CPNE4: variants seen among roughly 807,000 people sequenced by gnomAD.
The protein encoded by CPNE4 is copine-4.
In CPNE4, 25 loss-of-function variants were observed where a neutral mutation model predicts 67.9. That is an observed-to-expected ratio of 0.37 (90% CI 0.27 to 0.51). The LOEUF (loss-of-function observed/expected upper bound fraction) is 0.51. CPNE4 is among the 20% of genes least tolerant of loss of function. The probability of loss-of-function intolerance (pLI) is 0.93; values close to 1 mark genes in which losing one functional copy is unlikely to be tolerated. For synonymous variants in CPNE4, 242 were observed against 244.9 expected (o/e 0.99, Z 0.11); for missense variants, 464 against 690.8 (o/e 0.67, Z 3.68).
intron 3 of CPNE4, among the ~76,000 whole-genome samples, chr3:131,703,526 C>T (rs1016281163): frequency 3.9e-5 from 6 of 152,142 alleles, no homozygotes; most frequent in African/African-American, 1.4e-4. Context: ...TGGACAATGG[C>T]TTCTAACAGC....
intron 7 of CPNE4, among the ~76,000 whole-genome samples, chr3:131,623,068 A>G (rs1400903917): frequency 5.3e-5 from 8 of 152,124 alleles, no homozygotes; most frequent in African/African-American, 1.9e-4. Context: ...AGGACAGAGG[A>G]GGGGCCAGGT....
chr3:131,999,966 T>C (rs766043838), intron 1 of CPNE4, among the ~76,000 whole-genome samples: 1 of 151,978 alleles, frequency 6.6e-6, no homozygotes, highest in Non-Finnish European at 1.5e-5. Flanking sequence ...ATAAATCCTG[T>C]AGTCATTTAA....
intron 2 of CPNE4, among the ~76,000 whole-genome samples, chr3:131,776,393 CT>C (rs2083291566): frequency 6.6e-6 from 1 of 152,088 alleles, no homozygotes; most frequent in Non-Finnish European, 1.5e-5. Context: ...ATTCCTTTCA[CT>C]GTCTGAGGAA....
intron 2 of CPNE4, among the ~76,000 whole-genome samples, chr3:131,819,499 C>T (rs373954408): frequency 0.032 from 4,760 of 150,464 alleles, 243 homozygotes; most frequent in African/African-American, 0.11. Context: ...GATACACACA[C>T]ACACACACAC....
At chr3:131,701,867 T>G (rs1399024281) in intron 3 of CPNE4, among the ~76,000 whole-genome samples, 2 of 152,202 alleles carry the variant, frequency 1.3e-5, no homozygotes, top group African/African-American at 4.8e-5. Flanking sequence ...TTTTTTAAGC[T>G]TTTGAAGTAC....
chr3:131,861,652 C>T (rs898970524), intron 2 of CPNE4, among the ~76,000 whole-genome samples: 2 of 152,168 alleles, frequency 1.3e-5, no homozygotes, highest in South Asian at 2.1e-4. Flanking sequence ...AGGCTGGTCT[C>T]GAACTCCTGA....
intron 1 of CPNE4, among the ~76,000 whole-genome samples, chr3:131,909,129 C>A (rs935944377): frequency 1.3e-5 from 2 of 152,172 alleles, no homozygotes; most frequent in Non-Finnish European, 2.9e-5. Flanking sequence ...CATCTAAGAG[C>A]ACACACTCAT....
At chr3:131,942,015 ATGT>A (rs1027156167) in intron 1 of CPNE4, among the ~76,000 whole-genome samples, 7 of 152,094 alleles carry the variant, frequency 4.6e-5, no homozygotes, top group South Asian at 2.1e-4. Flanking sequence ...TTCCTTTTAA[ATGT>A]TGTTATTGCA....
chr3:131,687,862 AATGAAGGT>A (rs2080933091), intron 5 of CPNE4, among the ~76,000 whole-genome samples: 1 of 152,250 alleles, frequency 6.6e-6, no homozygotes, highest in African/African-American at 2.4e-5. Context: ...TGAATGAATG[AATGAAGGT>A]ATAAGGAGTA....
chr3:131,963,065 T>A (rs996592995), intron 1 of CPNE4, among the ~76,000 whole-genome samples: 1 of 151,924 alleles, frequency 6.6e-6, no homozygotes, highest in African/African-American at 2.4e-5. Flanking sequence ...TTCATCTGAT[T>A]GGGACTGGTT....
At chr3:131,639,387 C>G (rs939524585) in intron 7 of CPNE4, among the ~76,000 whole-genome samples, 1 of 152,002 alleles carries the variant, frequency 6.6e-6, no homozygotes, top group Non-Finnish European at 1.5e-5. Flanking sequence ...AACATCTTTA[C>G]ATGCATAAAT....
At chr3:131,774,388 T>C (rs539525467) in intron 2 of CPNE4, among the ~76,000 whole-genome samples, 108 of 151,210 alleles carry the variant, frequency 7.1e-4, no homozygotes, top group Non-Finnish European at 1.2e-3. Flanking sequence ...AGTGAGGACA[T>C]AATGTCTTGT....
chr3:131,940,039 C>T (rs2071340582), intron 1 of CPNE4, among the ~76,000 whole-genome samples: 1 of 152,036 alleles, frequency 6.6e-6, no homozygotes, highest in South Asian at 2.1e-4. Flanking sequence ...TTTGTGTTAC[C>T]TGTTTGTGTG....
chr3:131,661,520 T>G (rs1169697159), intron 7 of CPNE4, among the ~76,000 whole-genome samples: 3 of 152,228 alleles, frequency 2.0e-5, no homozygotes. Flanking sequence ...AGAGGCAGCC[T>G]GCTGTACTCA....
intron 14 of CPNE4, among the ~76,000 whole-genome samples, chr3:131,545,435 C>T (rs968376257): frequency 6.6e-6 from 1 of 152,098 alleles, no homozygotes; most frequent in South Asian, 2.1e-4. Context: ...TCACTAATCT[C>T]TAAGTAAAAT....
At chr3:131,575,646 A>G (rs76510630) in intron 9 of CPNE4, among the ~76,000 whole-genome samples, 2 of 152,178 alleles carry the variant, frequency 1.3e-5, no homozygotes, top group Non-Finnish European at 2.9e-5. Flanking sequence ...ATTGGGCATT[A>G]CTGAATGACA....
chr3:131,622,018 C>CAAAAAAAAAAAAA (rs34415771), intron 7 of CPNE4, among the ~76,000 whole-genome samples: 140 of 57,310 alleles, frequency 2.4e-3, no homozygotes, highest in Non-Finnish European at 4.2e-3. Context: ...GACCCTGTCT[C>CAAAAAAAAAAAAA]AAAAAAAAAA....
At chr3:131,869,019 T>C (rs1392485063) in intron 2 of CPNE4, among the ~76,000 whole-genome samples, 1 of 152,196 alleles carries the variant, frequency 6.6e-6, no homozygotes, top group Non-Finnish European at 1.5e-5. Context: ...GTTACCAAGG[T>C]TGCTGTGAGG....
At chr3:131,664,692 G>T (rs946036494) in intron 7 of CPNE4, among the ~76,000 whole-genome samples, 3 of 152,062 alleles carry the variant, frequency 2.0e-5, no homozygotes, top group African/African-American at 7.2e-5. Flanking sequence ...TAACAACATG[G>T]GTTTTTGAGT....
Sources: gnomAD v4.1 joint callset for allele counts (sites outside exome capture counted in the v4.1 genomes callset) on GRCh38, gnomAD v4.1.1 for gene constraint, MANE v1.5 for transcripts, NCBI Gene and HGNC (gene_info 2026-07-23, HGNC 2026-07-21) for gene names.